The following TXNDC16 variants were observed in gnomAD, a reference collection of about 807,000 sequenced individuals.
TXNDC16 encodes thioredoxin domain-containing protein 16.
A neutral mutation model predicts 85.6 loss-of-function variants in TXNDC16; 74 were observed. That is an observed-to-expected ratio of 0.86 (90% CI 0.72 to 1.05). The LOEUF (loss-of-function observed/expected upper bound fraction) is 1.05. Among genes scored for constraint, TXNDC16 ranks in the 50% least tolerant of loss-of-function variants. The probability of loss-of-function intolerance (pLI) is 0.00; values close to 1 mark genes in which losing one functional copy is unlikely to be tolerated. For synonymous variants in TXNDC16, 335 were observed against 326.5 expected, an observed-to-expected ratio of 1.03 and a Z score of -0.28; for missense variants, 959 against 947.0, an observed-to-expected ratio of 1.01 and a Z score of -0.17.
chr14:52,500,209 G>A (rs1001659368), intron 9 of TXNDC16, among the ~76,000 whole-genome samples: 8 of 152,152 alleles, frequency 5.3e-5, no homozygotes, highest in African/African-American at 7.2e-5. Flanking sequence ...CAACCTAAAC[G>A]TCTATCAATG....
chr14:52,440,537 C>T, intron 19 of TXNDC16, 27 bp downstream of exon 19: 1 of 1,526,700 alleles, frequency 6.6e-7, no homozygotes, highest in Non-Finnish European at 8.8e-7. Context: ...TTACCTCTTA[C>T]ATATTAAAAA....
chr14:52,475,658 G>A (rs561514595), intron 14 of TXNDC16, among the ~76,000 whole-genome samples: 19 of 152,012 alleles, frequency 1.2e-4, no homozygotes, highest in Non-Finnish European at 2.6e-4. Context: ...CACAGCAGAC[G>A]CAGCAAGACC....
At chr14:52,511,195 T>C in intron 9 of TXNDC16, 45 bp downstream of exon 9, 2 of 1,404,334 alleles carry the variant, frequency 1.4e-6, no homozygotes, top group Non-Finnish European at 1.9e-6. Flanking sequence ...TTTGCAATTA[T>C]ACAGGCAGTA....
Position 52,470,225 on chromosome 14 carries a change from T to C in TXNDC16, c.1482-52A>G, listed in dbSNP as rs530976221. ...AATTAATTTTTTAAGATATTTTCAG[T>C]TTGTAAAAAAAAAGCATACTAAACA... On this transcript the variant is annotated intron_variant, in intron 15 of 20. Transcript: ENST00000281741. 57 of 1,393,954 alleles carry C rather than the reference T, an allele frequency of 4.1e-5. 1 individual carries two copies. In the East Asian group the frequency reaches 1.4e-3, roughly 34 times the overall value. 86.3% of individuals were successfully genotyped at this position (1,393,954 alleles called of 1,614,324 possible).
chr14:52,447,901 T>C (rs2035321191), intron 18 of TXNDC16, among the ~76,000 whole-genome samples: 2 of 151,364 alleles, frequency 1.3e-5, no homozygotes, highest in African/African-American at 2.4e-5. Flanking sequence ...TAAACTAACA[T>C]ATGTAGAATA....
At chr14:52,506,809 G>A (rs2036820048) in intron 9 of TXNDC16, among the ~76,000 whole-genome samples, 2 of 144,330 alleles carry the variant, frequency 1.4e-5, no homozygotes, top group Non-Finnish European at 3.0e-5. Flanking sequence ...ACCCGCCTCG[G>A]CCTCCCAAAG....
chr14:52,488,831 GAAAAAA>G (rs199871075), intron 11 of TXNDC16, among the ~76,000 whole-genome samples: 3 of 90,012 alleles, frequency 3.3e-5, no homozygotes, highest in East Asian at 3.0e-4. Context: ...GAGACTCTGG[GAAAAAA>G]AAAAAAAAAA....
At chr14:52,464,238 G>A (rs1163961558) in intron 16 of TXNDC16, among the ~76,000 whole-genome samples, 1 of 152,136 alleles carries the variant, frequency 6.6e-6, no homozygotes, top group Non-Finnish European at 1.5e-5. Flanking sequence ...CCTAACTTGT[G>A]TGTTGTGATT....
At chr14:52,451,752 A>G (rs1488171991) in intron 18 of TXNDC16, among the ~76,000 whole-genome samples, 2 of 152,032 alleles carry the variant, frequency 1.3e-5, no homozygotes, top group Admixed American at 6.6e-5. Flanking sequence ...TGAATGGGGA[A>G]AAAGTCTTTT....
intron 9 of TXNDC16, among the ~76,000 whole-genome samples, chr14:52,493,010 C>T (rs2036443176): frequency 6.6e-6 from 1 of 152,000 alleles, no homozygotes; most frequent in South Asian, 2.1e-4. Context: ...GGCACGATGG[C>T]TCACGCCTAT....
intron 18 of TXNDC16, among the ~76,000 whole-genome samples, chr14:52,444,811 T>A (rs1353808189): frequency 6.6e-6 from 1 of 152,126 alleles, no homozygotes; most frequent in Non-Finnish European, 1.5e-5. Context: ...GACAACCAAT[T>A]CAAATTCTAG....
intron 1 of TXNDC16, among the ~76,000 whole-genome samples, chr14:52,550,339 C>T (rs935696527): frequency 1.5e-4 from 23 of 152,206 alleles, no homozygotes; most frequent in Admixed American, 1.0e-3. Flanking sequence ...GAGAACAGAA[C>T]CTGCTCACTG....
At chr14:52,504,727 C>T (rs188810468) in intron 9 of TXNDC16, among the ~76,000 whole-genome samples, 62 of 152,304 alleles carry the variant, frequency 4.1e-4, no homozygotes, top group Non-Finnish European at 8.1e-4. Context: ...ACAATATCAA[C>T]CTTAAATGTA....
Position 52,540,908 on chromosome 14 carries a change from T to C in TXNDC16, c.243+1463A>G, listed in dbSNP as rs990629903. On this transcript the variant is annotated intron_variant, in intron 4 of 20. Transcript: ENST00000281741. ...GTTTATCTCATTTGCCACTATCTCC[T>C]TTCCAGATAGAGCTCAGCATTCTCA... is the stretch of plus-strand genomic sequence containing the variant. Among the ~76,000 whole-genome samples, 8 of 152,196 alleles carry C rather than the reference T, an allele frequency of 5.3e-5. No individual in the cohort carries two copies. In the South Asian group the frequency reaches 1.4e-3, roughly 28 times the overall value.
intron 7 of TXNDC16, 100 bp from the exon 8 acceptor site, chr14:52,515,070 C>A: frequency 1.3e-6 from 1 of 765,976 alleles, no homozygotes; most frequent in Non-Finnish European, 2.0e-6. Flanking sequence ...CCTTTATGTT[C>A]TACTATATTT....
chr14:52,498,594 T>A (rs1021767766), intron 9 of TXNDC16, among the ~76,000 whole-genome samples: 1 of 152,018 alleles, frequency 6.6e-6, no homozygotes, highest in African/African-American at 2.4e-5. Flanking sequence ...ATAAAATACT[T>A]TGGAATAAAT....
intron 14 of TXNDC16, among the ~76,000 whole-genome samples, chr14:52,472,267 G>A (rs1268613592): frequency 2.6e-5 from 4 of 151,222 alleles, no homozygotes; most frequent in African/African-American, 9.7e-5. Flanking sequence ...GCGTGATCTC[G>A]GCTCACTGCA....
intron 1 of TXNDC16, among the ~76,000 whole-genome samples, chr14:52,550,526 A>C (rs1039048231): frequency 6.6e-6 from 1 of 152,172 alleles, no homozygotes; most frequent in Admixed American, 6.5e-5. Flanking sequence ...CCCATCCCCC[A>C]AAAAAGAGAA....
At chr14:52,458,565 G>A (rs2035586873) in intron 16 of TXNDC16, among the ~76,000 whole-genome samples, 1 of 152,074 alleles carries the variant, frequency 6.6e-6, no homozygotes, top group South Asian at 2.1e-4. Context: ...TAAAAAGAGA[G>A]ACGAGAGACA....
Sources: allele counts gnomAD v4.1 joint callset (sites outside exome capture counted in the v4.1 genomes callset), GRCh38; gene constraint gnomAD v4.1.1; transcripts MANE v1.5; gene names NCBI Gene and HGNC (gene_info 2026-07-23, HGNC 2026-07-21).